Variants in NBEA observed in about 807,000 individuals in gnomAD.
The protein encoded by NBEA is lysosomal-trafficking regulator 2.
Under a neutral mutation model 343.4 loss-of-function variants are expected in NBEA, and 44 were observed. The ratio of observed to expected loss-of-function variants is 0.13; its 90% confidence interval spans 0.10 to 0.16. The LOEUF (loss-of-function observed/expected upper bound fraction) is 0.16, where lower values mean the gene tolerates loss of function less well. Among genes scored for constraint, NBEA ranks in the 10% least tolerant of loss-of-function variants. NBEA has a pLI of 1.00. For synonymous variants in NBEA, 1,175 were observed against 1,238.7 expected (o/e 0.95, Z 1.08); for missense variants, 2,555 against 3,631.3 (o/e 0.70, Z 7.62).
intron 41 of NBEA, chr13:35,474,770 G>A (rs1162151512): frequency 3.0e-6 from 1 of 331,616 alleles, no homozygotes; most frequent in Non-Finnish European, 5.5e-6. Flanking sequence ...TGGCGTTACA[G>A]CTGGGCTGTT....
chr13:35,326,400 T>A (rs2038559912), intron 36 of NBEA, among the ~76,000 whole-genome samples: 1 of 152,050 alleles, frequency 6.6e-6, no homozygotes, highest in Non-Finnish European at 1.5e-5. Flanking sequence ...GGGGAACTAT[T>A]ATAAATGGGA....
intron 10 of NBEA, among the ~76,000 whole-genome samples, chr13:35,083,652 A>G (rs987702565): frequency 1.3e-5 from 2 of 152,146 alleles, no homozygotes; most frequent in African/African-American, 2.4e-5. Context: ...CACTGCAAAA[A>G]CATGCCAAAT....
At chr13:35,309,953 A>G (rs1026558004) in intron 36 of NBEA, among the ~76,000 whole-genome samples, 2 of 152,156 alleles carry the variant, frequency 1.3e-5, no homozygotes, top group Non-Finnish European at 2.9e-5. Flanking sequence ...GCTTCTCCTC[A>G]GTCCATGTGA....
At chr13:35,083,741 C>G (rs2152610248) in intron 10 of NBEA, among the ~76,000 whole-genome samples, 1 of 152,166 alleles carries the variant, frequency 6.6e-6, no homozygotes, top group Admixed American at 6.5e-5. Flanking sequence ...ATGACAGGAT[C>G]AAATTGATAC....
chr13:35,375,165 C>T (rs188512849), intron 38 of NBEA, among the ~76,000 whole-genome samples: 19 of 152,200 alleles, frequency 1.2e-4, no homozygotes, highest in Admixed American at 1.2e-3. Flanking sequence ...CCTTTCAAAG[C>T]AGTACACACA....
At chr13:34,980,651 T>C (rs1351426161) in intron 1 of NBEA, among the ~76,000 whole-genome samples, 1 of 151,908 alleles carries the variant, frequency 6.6e-6, no homozygotes, top group Non-Finnish European at 1.5e-5. Context: ...TGAATGTCGG[T>C]GATGAAAATG....
chr13:35,321,587 G>A (rs535648061), intron 36 of NBEA, among the ~76,000 whole-genome samples: 53 of 152,184 alleles, frequency 3.5e-4, no homozygotes, highest in Middle Eastern at 3.4e-3. Context: ...GGACCCACAT[G>A]AGGAGGCACT....
At chr13:35,204,024 C>T (rs1012925806) in intron 31 of NBEA, among the ~76,000 whole-genome samples, 54 of 152,222 alleles carry the variant, frequency 3.5e-4, no homozygotes, top group African/African-American at 1.2e-3. Flanking sequence ...GGACTGGTAC[C>T]GGTCTGTGGC....
chr13:35,306,054 A>C (rs1272453655), intron 35 of NBEA, among the ~76,000 whole-genome samples: 1 of 152,202 alleles, frequency 6.6e-6, no homozygotes, highest in Non-Finnish European at 1.5e-5. Flanking sequence ...TACATACATC[A>C]GGACAGGTGA....
chr13:35,210,456 G>A (rs1486835641), intron 32 of NBEA, among the ~76,000 whole-genome samples: 2 of 152,100 alleles, frequency 1.3e-5, no homozygotes, highest in African/African-American at 4.8e-5. Context: ...AGGAACACTA[G>A]ATGTCCCTCA....
intron 1 of NBEA, among the ~76,000 whole-genome samples, chr13:35,015,880 AT>A (rs2061640868): frequency 6.6e-6 from 1 of 152,134 alleles, no homozygotes; most frequent in African/African-American, 2.4e-5. Context: ...GGCAGATTTT[AT>A]TTCACAAAGT....
chr13:35,315,286 T>A (rs1190236440), intron 36 of NBEA, among the ~76,000 whole-genome samples: 2 of 152,168 alleles, frequency 1.3e-5, no homozygotes, highest in Non-Finnish European at 2.9e-5. Context: ...TGTGCAGTTG[T>A]CTACAATTAA....
In NBEA at chr13:35,039,830, C is replaced by G. The variant is rs185449719; in HGVS notation, c.295-1103C>G. 1.4e-4 allele frequency among the ~76,000 whole-genome samples: 21 copies of G among 152,184 alleles called. No individual in the cohort carries two copies. In the East Asian group the frequency reaches 3.9e-3, roughly 28 times the overall value. On this transcript the variant is annotated intron_variant, in intron 1 of 58. Coordinates refer to ENST00000379939, the MANE Select transcript of NBEA (RefSeq NM_001385012.1). ...CCTAATCTTGTTTTGCCTTTGCTTC[C>G]TCTTTTCTCATCTACTCATATTTTA...
At chr13:35,001,569 A>G (rs2061140831) in intron 1 of NBEA, among the ~76,000 whole-genome samples, 1 of 152,198 alleles carries the variant, frequency 6.6e-6, no homozygotes, top group African/African-American at 2.4e-5. Flanking sequence ...TGAGCTAGGT[A>G]CAGAAAGATA....
At chr13:35,169,054 T>TA in intron 25 of NBEA, 59 bp downstream of exon 25, 1 of 1,324,328 alleles carries the variant, frequency 7.6e-7, no homozygotes, top group Non-Finnish European at 1.0e-6. Context: ...TTTTTACTTA[T>TA]TTATGAAATT....
At chr13:35,469,461 A>G (rs1251881966) in intron 40 of NBEA, among the ~76,000 whole-genome samples, 2 of 152,206 alleles carry the variant, frequency 1.3e-5, no homozygotes, top group Non-Finnish European at 2.9e-5. Context: ...GTAATGGATC[A>G]GTATTTTTTA....
At chr13:35,096,930 G>A (rs553617721) in intron 10 of NBEA, among the ~76,000 whole-genome samples, 15 of 151,926 alleles carry the variant, frequency 9.9e-5, no homozygotes, top group Middle Eastern at 3.4e-3. Flanking sequence ...TAAGGACAAA[G>A]TAAAAGAATA....
chr13:35,290,814 G>A (rs567703896), intron 35 of NBEA, among the ~76,000 whole-genome samples: 1 of 151,006 alleles, frequency 6.6e-6, no homozygotes, highest in Non-Finnish European at 1.5e-5. Context: ...TCTTATATTT[G>A]AGATAATGAA....
chr13:34,999,723 C>T (rs2061061429), intron 1 of NBEA, among the ~76,000 whole-genome samples: 1 of 152,050 alleles, frequency 6.6e-6, no homozygotes, highest in Non-Finnish European at 1.5e-5. Flanking sequence ...CTCCCTTTAA[C>T]AACAACAACC....
Sources: gnomAD v4.1 joint callset for allele counts (sites outside exome capture counted in the v4.1 genomes callset) on GRCh38, gnomAD v4.1.1 for gene constraint, MANE v1.5 for transcripts, NCBI Gene and HGNC (gene_info 2026-07-23, HGNC 2026-07-21) for gene names.